The following MEI4 variants were observed in gnomAD, a reference collection of about 807,000 sequenced individuals.
The protein encoded by MEI4 is meiosis-specific protein MEI4.
A neutral mutation model predicts 31.4 loss-of-function variants in MEI4; 27 were observed. The ratio of observed to expected loss-of-function variants is 0.86; its 90% CI spans 0.63 to 1.19. The LOEUF (loss-of-function observed/expected upper bound fraction) is 1.19, where lower values mean the gene tolerates loss of function less well. Ranked by LOEUF, MEI4 falls within the 50% of genes most tolerant of loss-of-function variation. The pLI, the probability that MEI4 is intolerant of heterozygous loss-of-function variation, is 0.00. For missense variants in MEI4, 329 were observed against 398.9 expected (o/e 0.82, Z 1.49); for synonymous variants, 122 against 145.4 (o/e 0.84, Z 1.16).
chr6:77,918,363 T>A lies in MEI4; in HGVS notation c.901-4726T>A, dbSNP rs1381749368. ...AATCTGTAAATTACCTTGGGCAGTA[T>A]GGCCATTTTCATGATATTGATTCTT... is the stretch of plus-strand genomic sequence containing the variant. On this transcript the variant is annotated intron_variant, in intron 4 of 4. Transcript: ENST00000684080. 2.2e-4 allele frequency among the ~76,000 whole-genome samples: 30 copies of A among 136,572 alleles called. 2 individuals are homozygous for A. Among genetic ancestry groups the A allele is most frequent in the African/African-American group, 8.1e-4 (29 of 35,974 alleles). 89.6% of individuals were successfully genotyped at this position (136,572 alleles called of 152,430 possible).
chr6:77,702,917 T>G (rs1263239365), intron 2 of MEI4, among the ~76,000 whole-genome samples: 2 of 152,232 alleles, frequency 1.3e-5, no homozygotes, highest in East Asian at 3.8e-4. Flanking sequence ...TACTATTCTT[T>G]CTTTTGTCAT....
intron 1 of MEI4, among the ~76,000 whole-genome samples, chr6:77,653,698 A>G (rs921884029): frequency 6.6e-6 from 1 of 152,204 alleles, no homozygotes; most frequent in Non-Finnish European, 1.5e-5. Context: ...ATCAAAAGAT[A>G]GATGTAAGAC....
chr6:77,788,316 T>A (rs898970087), intron 3 of MEI4, among the ~76,000 whole-genome samples: 1 of 152,056 alleles, frequency 6.6e-6, no homozygotes, highest in Non-Finnish European at 1.5e-5. Flanking sequence ...GGCAAAAACT[T>A]GAAGCATTCC....
At chr6:77,748,019 C>T (rs1254746085) in intron 2 of MEI4, among the ~76,000 whole-genome samples, 4 of 152,212 alleles carry the variant, frequency 2.6e-5, no homozygotes, top group Admixed American at 6.5e-5. Flanking sequence ...CACCATGTCT[C>T]GCATCTGCTG....
chr6:77,723,127 ACTC>A (rs1766751254), intron 2 of MEI4, among the ~76,000 whole-genome samples: 1 of 143,386 alleles, frequency 7.0e-6, no homozygotes, highest in Admixed American at 7.0e-5. Flanking sequence ...ATGAATTTGA[ACTC>A]CTTTTAGATT....
intron 2 of MEI4, among the ~76,000 whole-genome samples, chr6:77,701,073 A>G (rs575943392): frequency 1.3e-5 from 2 of 152,360 alleles, no homozygotes; most frequent in African/African-American, 4.8e-5. Context: ...TCTATGGAAG[A>G]GAACATACGA....
chr6:77,852,221 G>A (rs1350077941), intron 4 of MEI4, among the ~76,000 whole-genome samples: 4 of 152,002 alleles, frequency 2.6e-5, no homozygotes, highest in Admixed American at 1.3e-4. Flanking sequence ...GGTTAAAAAC[G>A]AACAAAGCAA....
At chr6:77,755,257 G>A (rs577604629) in intron 2 of MEI4, among the ~76,000 whole-genome samples, 9 of 152,212 alleles carry the variant, frequency 5.9e-5, no homozygotes, top group Admixed American at 5.9e-4. Context: ...AAGTATACTT[G>A]AGATCCACTC....
intron 4 of MEI4, among the ~76,000 whole-genome samples, chr6:77,845,669 T>C (rs1485151407): frequency 6.6e-6 from 1 of 152,128 alleles, no homozygotes; most frequent in Non-Finnish European, 1.5e-5. Flanking sequence ...TTGATCTGCC[T>C]GCCAGTTTGT....
At chr6:77,730,532 C>A (rs975517880) in intron 2 of MEI4, among the ~76,000 whole-genome samples, 2 of 151,952 alleles carry the variant, frequency 1.3e-5, no homozygotes, top group African/African-American at 4.8e-5. Flanking sequence ...CCTACTAACT[C>A]TTTTCTTTCA....
chr6:77,832,651 G>A (rs182173770), intron 4 of MEI4, among the ~76,000 whole-genome samples: 25 of 152,106 alleles, frequency 1.6e-4, no homozygotes, highest in Admixed American at 7.9e-4. Flanking sequence ...AAAAGAGGGC[G>A]ATTAGGATTA....
intron 2 of MEI4, among the ~76,000 whole-genome samples, chr6:77,743,900 C>G (rs1767498087): frequency 6.6e-6 from 1 of 152,232 alleles, no homozygotes; most frequent in South Asian, 2.1e-4. Flanking sequence ...AGACCTGCAG[C>G]TGAGGGTGCT....
At chr6:77,867,101 G>C (rs1771053489) in intron 4 of MEI4, among the ~76,000 whole-genome samples, 1 of 152,152 alleles carries the variant, frequency 6.6e-6, no homozygotes, top group African/African-American at 2.4e-5. Flanking sequence ...TTACATGTTA[G>C]ACCTAAAACC....
chr6:77,817,101 A>G (rs147736469), intron 3 of MEI4, among the ~76,000 whole-genome samples: 179 of 152,072 alleles, frequency 1.2e-3, no homozygotes, highest in African/African-American at 4.2e-3. Flanking sequence ...CTGTAGCTCA[A>G]TTATATTCTT....
intron 4 of MEI4, among the ~76,000 whole-genome samples, chr6:77,844,505 C>G (rs1770433855): frequency 6.6e-6 from 1 of 152,100 alleles, no homozygotes; most frequent in Non-Finnish European, 1.5e-5. Flanking sequence ...CTGCAAATAT[C>G]CTTCTCAGCT....
intron 3 of MEI4, among the ~76,000 whole-genome samples, chr6:77,795,076 G>A (rs1187036922): frequency 1.3e-5 from 2 of 152,102 alleles, no homozygotes; most frequent in African/African-American, 4.8e-5. Context: ...AGTAAAAGCA[G>A]TTCTAAGGGT....
At chr6:77,716,957 T>G (rs968126597) in intron 2 of MEI4, 59 of 500,242 alleles carry the variant, frequency 1.2e-4, no homozygotes, top group Non-Finnish European at 1.5e-4. Context: ...TAGGGGTGGG[T>G]TGCCCCTACA....
chr6:77,781,983 CT>C (rs201000637), intron 3 of MEI4, among the ~76,000 whole-genome samples: 5 of 151,316 alleles, frequency 3.3e-5, no homozygotes, highest in Middle Eastern at 3.4e-3. Flanking sequence ...GGATTGTGTG[CT>C]TTTTTTTTAA....
At chr6:77,711,419 A>G (rs753964520) in intron 2 of MEI4, among the ~76,000 whole-genome samples, 2 of 152,176 alleles carry the variant, frequency 1.3e-5, no homozygotes, top group Non-Finnish European at 2.9e-5. Flanking sequence ...TTTATTTGTC[A>G]CTGGTACTTT....
Sources: allele counts gnomAD v4.1 joint callset (sites outside exome capture counted in the v4.1 genomes callset), GRCh38; gene constraint gnomAD v4.1.1; transcripts MANE v1.5; gene names NCBI Gene and HGNC (gene_info 2026-07-23, HGNC 2026-07-21).